UBLCP1: variants seen among roughly 807,000 people sequenced by gnomAD.
The protein encoded by UBLCP1 is ubiquitin like domain containing CTD phosphatase 1.
UBLCP1 carries 28 observed loss-of-function variants against 42.4 expected under a neutral mutation model. The ratio of observed to expected loss-of-function variants is 0.66; its 90% confidence interval spans 0.49 to 0.90. The LOEUF is 0.90. UBLCP1 is among the 40% of genes least tolerant of loss of function. UBLCP1 has a pLI of 0.00. For synonymous variants in UBLCP1, 122 were observed against 120.8 expected, an observed-to-expected ratio of 1.01 and a Z score of -0.07; for missense variants, 279 against 374.5, an observed-to-expected ratio of 0.75 and a Z score of 2.10.
chr5:159,269,108 T>G, intron 2 of UBLCP1, 39 bp downstream of exon 2: 1 of 1,408,698 alleles, frequency 7.1e-7, no homozygotes, highest in Non-Finnish European at 9.4e-7. Context: ...GCATTGAATT[T>G]TTAGTATTAT....
At chr5:159,270,330 G>A (rs763902241) in intron 3 of UBLCP1, 30 bp from the exon 4 acceptor site, 7 of 1,537,426 alleles carry the variant, frequency 4.6e-6, no homozygotes, top group Admixed American at 1.7e-5. Flanking sequence ...AGGATAATAT[G>A]GTAGAACAAA....
At chr5:159,270,706 T>A (rs953502688) in intron 5 of UBLCP1, 63 bp downstream of exon 5, 1 of 1,142,944 alleles carries the variant, frequency 8.7e-7, no homozygotes, top group Non-Finnish European at 1.2e-6. Flanking sequence ...TTTCTTTTCT[T>A]TGTTTTTTTT....
Position 159,270,002 on chromosome 5 carries a change from A to G in UBLCP1, c.246+3A>G. The G allele has an allele frequency of 1.2e-6, 2 of 1,606,446 alleles. No individual in the cohort carries two copies. Among genetic ancestry groups the G allele is most frequent in the Non-Finnish European group, 8.5e-7 (1 of 1,176,328 alleles). On this transcript the variant is annotated splice_donor_region_variant and intron_variant, in intron 3 of 10. Transcript: ENST00000296786. ...TGGGAACTCGTGAGGAGAGCTTGGT[A>G]AATGTTTACTTTTTGTTACCATTTG...
In UBLCP1 at chr5:159,285,768, A is replaced by G. The variant is rs944439799; in HGVS notation, c.*837A>G. 2.6e-5 allele frequency: 4 copies of G among 152,716 alleles called. No homozygotes were observed. The highest frequency in any genetic ancestry group is 9.7e-5 in the African/African-American group (4 of 41,442). The allele number at this position is 152,716 out of a possible 1,614,324, so 9.5% of individuals were successfully genotyped here. On this transcript the variant is annotated 3_prime_UTR_variant, in exon 11 of 11. Transcript: ENST00000296786. ...CACTGATTCATTCCTAAAAAGCATG[A>G]ACAAAAAGTTTTTGTTCTGTTCCAG...
chr5:159,283,392 A>G, intron 10 of UBLCP1, 53 bp downstream of exon 10: 1 of 1,425,810 alleles, frequency 7.0e-7, no homozygotes, highest in Non-Finnish European at 9.5e-7. Flanking sequence ...AGAAAAAATT[A>G]TCATTTTTCA....
At chr5:159,269,787 A>G (rs1753441132) in intron 2 of UBLCP1, 121 bp from the exon 3 acceptor site, 1 of 782,054 alleles carries the variant, frequency 1.3e-6, no homozygotes, top group Admixed American at 3.1e-5. Context: ...GGAAAAAACA[A>G]AACAACAAAA....
chr5:159,273,866 ACACT>A (rs1753501956), intron 6 of UBLCP1, among the ~76,000 whole-genome samples: 1 of 136,902 alleles, frequency 7.3e-6, no homozygotes, highest in Admixed American at 7.4e-5. Flanking sequence ...ACACACACAC[ACACT>A]TCAAATAATT....
intron 7 of UBLCP1, 25 bp downstream of exon 7, chr5:159,274,647 T>G (rs1435251979): frequency 6.3e-7 from 1 of 1,596,558 alleles, no homozygotes; most frequent in African/African-American, 1.3e-5. Context: ...GCAATCCATT[T>G]AAAAATATTT....
In UBLCP1 at chr5:159,284,911, T is replaced by C; in HGVS notation, c.937T>C (p.Ser313Pro). 1 of 1,613,122 alleles carries C rather than the reference T, an allele frequency of 6.2e-7. No individual in the cohort carries two copies. The highest frequency in any genetic ancestry group is 8.5e-7 in the Non-Finnish European group (1 of 1,179,438). ...TTATTTTATTTCTTGCAGATATCTCTCAAAGAAGCAAGGACAGTAGTTACA... is the reference window on the plus strand; with the variant it reads ...TTATTTTATTTCTTGCAGATATCTCCCAAAGAAGCAAGGACAGTAGTTACA... The part of the protein sequence containing the change: ...LNHKYWERYL[S>P]KKQGQ The change falls in exon 11 of 11, where the codon TCA becomes CCA. Residue 313 changes from serine (S) to proline (P), a missense_variant. Physicochemically the swap from Ser to Pro is moderately conservative, Grantham distance 74. Transcript: ENST00000296786.
At chr5:159,265,176 T>C (rs1445303540) in intron 1 of UBLCP1, among the ~76,000 whole-genome samples, 1 of 152,238 alleles carries the variant, frequency 6.6e-6, no homozygotes, top group East Asian at 1.9e-4. Context: ...TAAATATAAA[T>C]ATGAATTTAT....
chr5:159,277,216 G>A (rs971631552), intron 8 of UBLCP1, among the ~76,000 whole-genome samples: 10 of 150,904 alleles, frequency 6.6e-5, no homozygotes, highest in Admixed American at 2.6e-4. Flanking sequence ...AACAAGATCA[G>A]TAGCAAAAAA....
chr5:159,270,700 TTTTC>T (rs1044284305), intron 5 of UBLCP1, 57 bp downstream of exon 5: 86 of 1,170,606 alleles, frequency 7.3e-5, no homozygotes, highest in Middle Eastern at 2.4e-4. Context: ...TCTTTTTTTC[TTTTC>T]TTTGTTTTTT....
chr5:159,274,297 G>C (rs73816534), intron 6 of UBLCP1: 1 of 262,790 alleles, frequency 3.8e-6, no homozygotes, highest in Non-Finnish European at 7.2e-6. Context: ...TTTAAAAAGA[G>C]AGTTTAGGTC....
At chr5:159,264,370 G>A (rs1753348106) in intron 1 of UBLCP1, among the ~76,000 whole-genome samples, 1 of 152,214 alleles carries the variant, frequency 6.6e-6, no homozygotes, top group Admixed American at 6.5e-5. Flanking sequence ...AAGGTTAAAT[G>A]TGAAAGCAAA....
intron 1 of UBLCP1, among the ~76,000 whole-genome samples, chr5:159,266,283 G>C (rs1753389972): frequency 6.6e-6 from 1 of 152,162 alleles, no homozygotes; most frequent in African/African-American, 2.4e-5. Context: ...GAGTAAAAGT[G>C]ACTCTTGTTA....
intron 6 of UBLCP1, among the ~76,000 whole-genome samples, chr5:159,272,734 A>G (rs962628998): frequency 1.8e-4 from 27 of 152,246 alleles, no homozygotes; most frequent in African/African-American, 6.0e-4. Flanking sequence ...ATGTGGACTA[A>G]AGCCAGTGAC....
In UBLCP1 at chr5:159,269,904, G is replaced by C; in HGVS notation, c.155-4G>C. On this transcript the variant is annotated splice_region_variant and splice_polypyrimidine_tract_variant and intron_variant, in intron 2 of 10. Transcript: ENST00000296786. Reference sequence around the variant, plus strand: ...GAGAAAACAGTCATTTGCTTGTATTGTAGGCAAACCTGCAGAAAATGATGT... The same window carrying C: ...GAGAAAACAGTCATTTGCTTGTATTCTAGGCAAACCTGCAGAAAATGATGT... 1 of 1,611,286 alleles carries C rather than the reference G, an allele frequency of 6.2e-7. No individual in the cohort carries two copies. The highest frequency in any genetic ancestry group is 8.5e-7 in the Non-Finnish European group (1 of 1,178,454).
chr5:159,284,017 G>C (rs1049080883), intron 10 of UBLCP1, among the ~76,000 whole-genome samples: 2 of 152,228 alleles, frequency 1.3e-5, no homozygotes, highest in South Asian at 2.1e-4. Flanking sequence ...TGAGGATCTG[G>C]TTCCAGTAAT....
chr5:159,270,044 A>ATGATTTATACTAC, intron 3 of UBLCP1, 45 bp downstream of exon 3: 1 of 1,476,628 alleles, frequency 6.8e-7, no homozygotes, highest in Non-Finnish European at 9.3e-7. Flanking sequence ...TGAAGATATT[A>ATGATTTATACTAC]TGATTTATAC....
Sources: allele counts gnomAD v4.1 joint callset (sites outside exome capture counted in the v4.1 genomes callset), GRCh38; gene constraint gnomAD v4.1.1; transcripts MANE v1.5; gene names NCBI Gene and HGNC (gene_info 2026-07-23, HGNC 2026-07-21).